Variants in GDAP1 observed in about 807,000 individuals in gnomAD.
GDAP1 encodes the protein ganglioside-induced differentiation-associated protein 1.
A neutral mutation model predicts 40.1 loss-of-function variants in GDAP1; 34 were observed. That is an observed-to-expected ratio of 0.85 (90% confidence interval 0.64 to 1.13). GDAP1 has a LOEUF of 1.13. Ranked by LOEUF, GDAP1 falls within the 50% of genes most tolerant of loss-of-function variation. GDAP1 has a pLI of 0.00. For synonymous variants in GDAP1, 170 were observed against 157.4 expected (o/e 1.08, Z -0.60); for missense variants, 374 against 433.7 (o/e 0.86, Z 1.22).
intron 2 of GDAP1, among the ~76,000 whole-genome samples, chr8:74,384,198 G>T (rs1459725745): frequency 1.3e-5 from 2 of 151,994 alleles, no homozygotes; most frequent in African/African-American, 4.8e-5. Context: ...TCTTCCCCGA[G>T]AAGATTGTGT....
intron 2 of GDAP1, among the ~76,000 whole-genome samples, chr8:74,423,629 G>T (rs1318633802): frequency 6.6e-6 from 1 of 151,894 alleles, no homozygotes; most frequent in Admixed American, 6.6e-5. Flanking sequence ...TATCATGGAT[G>T]CAAACGTGGG....
chr8:74,383,187 C>T (rs1368999742), intron 2 of GDAP1, among the ~76,000 whole-genome samples: 3 of 152,156 alleles, frequency 2.0e-5, no homozygotes, highest in Admixed American at 6.5e-5. Context: ...AAATTCAGAT[C>T]GACCTTTCAG....
At position 74,366,101 on chromosome 8, in the gene GDAP1, C is replaced by T; in HGVS notation, c.*1734C>T. 2.3e-6 allele frequency: 1 copy of T among 441,412 alleles called. No individual in the cohort carries two copies. The highest frequency in any genetic ancestry group is 4.5e-6 in the Non-Finnish European group (1 of 223,020). The allele number at this position is 441,412 out of a possible 1,614,324, so 27.3% of individuals were successfully genotyped here. On this transcript the variant is annotated 3_prime_UTR_variant, in exon 6 of 6. Transcript: ENST00000220822. ...TTGTTAAGAATAAAAATTAGAAGTC[C>T]ATGGTTAACTTTTCCTTCAATTTAT... is the stretch of plus-strand genomic sequence containing the variant.
chr8:74,351,113 T>G (rs1011059333), intron 1 of GDAP1, among the ~76,000 whole-genome samples, 161 bp from the exon 2 acceptor site: 23 of 152,224 alleles, frequency 1.5e-4, no homozygotes, highest in African/African-American at 5.5e-4. Context: ...TTGAGTATTG[T>G]TCTTTCCTTA....
At chr8:74,427,503 G>A (rs1424018137) in intron 2 of GDAP1, among the ~76,000 whole-genome samples, 2 of 152,060 alleles carry the variant, frequency 1.3e-5, no homozygotes, top group African/African-American at 4.8e-5. Context: ...TTTTCCTTGG[G>A]CAATCATTTC....
At chr8:74,472,142 A>G (rs1438636430) in intron 2 of GDAP1, among the ~76,000 whole-genome samples, 1 of 151,996 alleles carries the variant, frequency 6.6e-6, no homozygotes, top group East Asian at 1.9e-4. Context: ...TTTTGTGTCC[A>G]TGTGTTCTCA....
chr8:74,433,843 A>C (rs1806056318), intron 2 of GDAP1, among the ~76,000 whole-genome samples: 1 of 152,104 alleles, frequency 6.6e-6, no homozygotes, highest in Non-Finnish European at 1.5e-5. Context: ...AACCCCAATA[A>C]AAACTTTGGA....
At chr8:74,467,142 A>G (rs974039437) in intron 2 of GDAP1, among the ~76,000 whole-genome samples, 1 of 152,222 alleles carries the variant, frequency 6.6e-6, no homozygotes, top group Non-Finnish European at 1.5e-5. Flanking sequence ...AATAGAAGCA[A>G]AGCCATCAGC....
chr8:74,402,450 C>T lies in GDAP1; in HGVS notation c.165+51129C>T, dbSNP rs897193345. Among the ~76,000 whole-genome samples, 19 of 150,248 alleles carry T rather than the reference C, an allele frequency of 1.3e-4. 3 individuals carry two copies. Among genetic ancestry groups the T allele is most frequent in the African/African-American group, 4.3e-4 (17 of 39,584 alleles). On this transcript the variant is annotated intron_variant, in intron 2 of 2. Coordinates refer to the GDAP1 transcript ENST00000523640. ...GTGAGTGACCCGATTTTCCAGGTGC[C>T]GTCTGTCACCCCTTTCTTTGACTAG...
chr8:74,433,122 T>G (rs1453597916), intron 2 of GDAP1, among the ~76,000 whole-genome samples: 1 of 152,210 alleles, frequency 6.6e-6, no homozygotes, highest in Admixed American at 6.5e-5. Flanking sequence ...GCCTGCTCAT[T>G]ATTTAGGCTC....
At chr8:74,422,337 CTTTCTTTCTTTCTTCCCTTCCTTCCTT>C (rs1805880051) in intron 2 of GDAP1, among the ~76,000 whole-genome samples, 6 of 55,962 alleles carry the variant, frequency 1.1e-4, no homozygotes, top group East Asian at 5.8e-4. Context: ...TTCTTTCTTT[CTTTCTTTCTTTCTTCCCTTCCTTCCTT>C]CCTTCCTTCC....
intron 2 of GDAP1, among the ~76,000 whole-genome samples, chr8:74,486,082 C>T (rs777504961): frequency 9.2e-5 from 14 of 152,160 alleles, no homozygotes; most frequent in Non-Finnish European, 1.9e-4. Context: ...GGCTTGGCTC[C>T]CACCATTCCA....
At chr8:74,390,370 T>C (rs1414363057) in intron 2 of GDAP1, among the ~76,000 whole-genome samples, 1 of 152,206 alleles carries the variant, frequency 6.6e-6, no homozygotes, top group Non-Finnish European at 1.5e-5. Context: ...GGTTTTTGTG[T>C]GGATGTCCTT....
At chr8:74,484,873 G>A (rs1432200450) in intron 2 of GDAP1, among the ~76,000 whole-genome samples, 17 of 151,968 alleles carry the variant, frequency 1.1e-4, no homozygotes, top group Non-Finnish European at 2.2e-4. Flanking sequence ...AAAATCTCTG[G>A]TCTATGTTCT....
downstream of GDAP1, among the ~76,000 whole-genome samples, chr8:74,368,880 C>T (rs1809703181): frequency 6.6e-6 from 1 of 152,188 alleles, no homozygotes; most frequent in Admixed American, 6.5e-5. Context: ...GTGCTCCCCA[C>T]CCCAATTGTG....
intron 2 of GDAP1, among the ~76,000 whole-genome samples, chr8:74,357,145 T>C (rs1352936138): frequency 6.6e-6 from 1 of 152,168 alleles, no homozygotes. Context: ...AGCAAAGGGC[T>C]AGAGTGAGGA....
downstream of GDAP1, among the ~76,000 whole-genome samples, chr8:74,369,424 C>A (rs1361567323): frequency 2.6e-5 from 4 of 151,898 alleles, no homozygotes; most frequent in Non-Finnish European, 5.9e-5. Flanking sequence ...AAATTAAAAC[C>A]ATTAAAAGAA....
chr8:74,369,618 T>A (rs537466343), downstream of GDAP1, among the ~76,000 whole-genome samples: 15 of 81,378 alleles, frequency 1.8e-4, no homozygotes, highest in South Asian at 4.6e-3. Flanking sequence ...GGCAGGAAAT[T>A]GTGTGTGTGT....
chr8:74,442,057 TA>T (rs1397672998), intron 2 of GDAP1, among the ~76,000 whole-genome samples: 1 of 152,230 alleles, frequency 6.6e-6, no homozygotes, highest in Non-Finnish European at 1.5e-5. Flanking sequence ...TGCTACCATT[TA>T]AAACTTTCTT....
Sources: allele counts gnomAD v4.1 joint callset (sites outside exome capture counted in the v4.1 genomes callset), GRCh38; gene constraint gnomAD v4.1.1; transcripts MANE v1.5; gene names NCBI Gene and HGNC (gene_info 2026-07-23, HGNC 2026-07-21).